The following ZNF572 variants were observed in gnomAD, a reference collection of about 807,000 sequenced individuals.
ZNF572 encodes zinc finger protein 572.
In ZNF572, 2 loss-of-function variants were observed where a neutral mutation model predicts 3.8. That is an observed-to-expected ratio of 0.52 (90% CI 0.21 to 1.65). The LOEUF (loss-of-function observed/expected upper bound fraction) is 1.65, where lower values mean the gene tolerates loss of function less well. Among genes scored for constraint, ZNF572 ranks in the 40% most tolerant of loss-of-function variants. The pLI, the probability that ZNF572 is intolerant of heterozygous loss-of-function variation, is 0.20. For missense variants in ZNF572, 581 were observed against 633.4 expected, an observed-to-expected ratio of 0.92 and a Z score of 0.89; for synonymous variants, 187 against 204.5, an observed-to-expected ratio of 0.91 and a Z score of 0.73.
chr8:124,977,559 C>T lies in ZNF572; in HGVS notation c.1291C>T (p.Gln431Ter), dbSNP rs1010526552. ...TCAGAGTTCCACCCTGGTGATTCAC[C>T]AAAGGACACATACAGGAGAGAAACC... ...FSQSSTLVIH[Q>*]RTHTGEKPYK... is the part of the protein sequence containing the mutation. Residue 431 changes from glutamine (Q) to a stop codon, truncating the protein, a stop_gained, in exon 3 of 3, where the codon CAA (glutamine) becomes TAA (stop). Coordinates refer to ENST00000319286, the MANE Select transcript of ZNF572 (RefSeq NM_152412.3). LOFTEE classifies it low-confidence loss of function (END_TRUNC). The T allele has an allele frequency of 8.1e-6, 13 of 1,614,040 alleles. No individual in the cohort carries two copies. In the African/African-American group the frequency reaches 1.3e-4, roughly 17 times the overall value.
rs1814549743 is a variant in ZNF572 at position 124,978,818 on chromosome 8, C to T, written c.*960C>T. 6.6e-6 allele frequency: 1 copy of T among 152,122 alleles called. No individual in the cohort carries two copies. Among genetic ancestry groups the T allele is most frequent in the South Asian group, 2.1e-4 (1 of 4,820 alleles). The allele number at this position is 152,122 out of a possible 1,614,324, so 9.4% of individuals were successfully genotyped here. A position where few individuals can be genotyped will look rare whatever the true frequency, so the allele number is the denominator to read the frequency against. The stretch of plus-strand genomic sequence containing the variant: ...AAAATTTGCAATGAAGAGCCTTTTC[C>T]CTAAATTATCCCATTATGTAATTCT... On this transcript the variant is annotated 3_prime_UTR_variant, in exon 3 of 3. Transcript: ENST00000319286.
chr8:124,974,616 T>C (rs1342129404), intron 1 of ZNF572, among the ~76,000 whole-genome samples: 2 of 152,266 alleles, frequency 1.3e-5, no homozygotes, highest in Non-Finnish European at 2.9e-5. Flanking sequence ...CTTTATATTC[T>C]GAAATGGATG....
At position 124,977,455 on chromosome 8, in the gene ZNF572, G is replaced by T. The variant is rs1218149596; in HGVS notation, c.1187G>T (p.Ser396Ile). The T allele has an allele frequency of 1.9e-6, 3 of 1,614,068 alleles. No homozygotes were observed. In the Admixed American group the frequency reaches 5.0e-5, roughly 27 times the overall value. The change falls in exon 3 of 3, where the codon AGC becomes ATC. Residue 396 changes from serine (S) to isoleucine (I), a missense_variant. Transcript: ENST00000319286. ...GAATGTGGGAAGAGTTTTGGCCTTA[G>T]CTCCCATCTCATTAGACATCAGAGA... is the stretch of plus-strand genomic sequence containing the variant. ...CCECGKSFGL[S>I]SHLIRHQRTH...
Position 124,977,399 on chromosome 8 carries a change from C to T in ZNF572, c.1131C>T (p.Ile377=), listed in dbSNP as rs1261394332. The change falls in exon 3 of 3, where the codon ATC becomes ATT. Residue 377 remains isoleucine, a synonymous_variant. Transcript: ENST00000319286. The part of the protein sequence containing the change: ...QNCNVIEECR[I]QLGEKPYRCC... ...GCAATGTGATAGAAGAATGCAGAAT[C>T]CAGTTAGGAGAGAAACCATATAGAT... 1.9e-6 allele frequency: 3 copies of T among 1,614,010 alleles called. No individual in the cohort carries two copies. In the Admixed American group the frequency reaches 5.0e-5, roughly 27 times the overall value.
intron 1 of ZNF572, among the ~76,000 whole-genome samples, chr8:124,974,013 T>C (rs1187469674): frequency 1.3e-5 from 2 of 152,156 alleles, no homozygotes; most frequent in Non-Finnish European, 2.9e-5. Flanking sequence ...CCCCCTTCCT[T>C]TTTTTGCATT....
chr8:124,977,404 T>C lies in ZNF572; in HGVS notation c.1136T>C (p.Leu379Ser). Reference protein sequence around the residue: ...CNVIEECRIQLGEKPYRCCEC... With the variant: ...CNVIEECRIQSGEKPYRCCEC... ...GTGATAGAAGAATGCAGAATCCAGT[T>C]AGGAGAGAAACCATATAGATGTTGT... Residue 379 changes from leucine (L) to serine (S), a missense_variant, in exon 3 of 3, where the codon TTA becomes TCA. Physicochemically the swap from Leu to Ser is moderately radical, Grantham distance 145. Transcript: ENST00000319286. The C allele has an allele frequency of 3.7e-6, 6 of 1,614,090 alleles. No individual in the cohort carries two copies. Among genetic ancestry groups the C allele is most frequent in the African/African-American group, 1.3e-5 (1 of 75,032 alleles).
intron 1 of ZNF572, 96 bp from the exon 2 acceptor site, chr8:124,975,510 C>G: frequency 1.4e-6 from 1 of 691,706 alleles, no homozygotes. Flanking sequence ...ATGGAACATT[C>G]TATGCCTCCT....
rs764912008 is a variant in ZNF572, at chr8:124,977,739, G to T, written c.1471G>T (p.Val491Leu). Residue 491 changes from valine (V) to leucine (L), a missense_variant, in exon 3 of 3, where the codon GTA (valine) becomes TTA (leucine). Coordinates refer to ENST00000319286, the MANE Select transcript of ZNF572 (RefSeq NM_152412.3). ...CCTCAGTCAGCATCGGAAAATTCAC[G>T]TAGAAAAGCCTTTTGAGTCTCCCGA... is the stretch of plus-strand genomic sequence containing the variant. ...AYLSQHRKIH[V>L]EKPFESPDVG... The T allele has an allele frequency of 5.8e-5, 93 of 1,614,054 alleles. No individual in the cohort carries two copies. Among genetic ancestry groups the T allele is most frequent in the Non-Finnish European group, 7.6e-5 (90 of 1,180,038 alleles).
At position 124,977,988 on chromosome 8, in the gene ZNF572, CA is replaced by C; in HGVS notation, c.*131del. On this transcript the variant is annotated 3_prime_UTR_variant, in exon 3 of 3. Transcript: ENST00000319286. ...AAACATTTGGAAAAAGTCAACCTCCCAGTTTAAAGGATGGGAAGACCCCAAT... is the reference window on the plus strand; with the variant it reads ...AAACATTTGGAAAAAGTCAACCTCCCGTTTAAAGGATGGGAAGACCCCAAT... The C allele has an allele frequency of 9.6e-7, 1 of 1,044,156 alleles. No individual in the cohort carries two copies. The highest frequency in any genetic ancestry group is 1.3e-6 in the Non-Finnish European group (1 of 746,040). 64.7% of individuals were successfully genotyped at this position (1,044,156 alleles called of 1,614,324 possible). A position where few individuals can be genotyped will look rare whatever the true frequency, so the allele number is the denominator to read the frequency against.
chr8:124,977,153 A>G lies in ZNF572; in HGVS notation c.885A>G (p.Thr295=). ...SSLIRHQRTH[T]GEKPYKCLEC... ...TCATTCGCCACCAGCGGACACACAC[A>G]GGTGAGAAGCCCTACAAATGTCTTG... Residue 295 remains threonine (T), a synonymous_variant, in exon 3 of 3, where the codon ACA becomes ACG. Coordinates refer to ENST00000319286, the MANE Select transcript of ZNF572 (RefSeq NM_152412.3). The G allele has an allele frequency of 6.2e-7, 1 of 1,609,288 alleles. No individual in the cohort carries two copies.
Position 124,978,238 on chromosome 8 carries a change from G to T in ZNF572, c.*380G>T. On this transcript the variant is annotated 3_prime_UTR_variant, in exon 3 of 3. Transcript: ENST00000319286. ...AGAGATACATCATTACTGGCCTCAG[G>T]GGTTTACCCAAAGAAAGGGTATTTT... 1 of 174,378 alleles carries T rather than the reference G, an allele frequency of 5.7e-6. No individual in the cohort carries two copies. The highest frequency in any genetic ancestry group is 1.9e-4 in the South Asian group (1 of 5,188). 10.8% of individuals were successfully genotyped at this position (174,378 alleles called of 1,614,324 possible).
At position 124,975,599 on chromosome 8, in the gene ZNF572, TC is replaced by T; in HGVS notation, c.-35-5del. The T allele has an allele frequency of 2.0e-6, 3 of 1,506,360 alleles. No homozygotes were observed. Among genetic ancestry groups the T allele is most frequent in the Non-Finnish European group, 2.8e-6 (3 of 1,082,558 alleles). The allele number at this position is 1,506,360 out of a possible 1,614,324, so 93.3% of individuals were successfully genotyped here. Reference sequence around the variant, plus strand: ...TACCTCCAAACATAATTTATTTCCTTCCACAGGGTTTCTGATCTCTAACTTG... The same window carrying T: ...TACCTCCAAACATAATTTATTTCCTTCACAGGGTTTCTGATCTCTAACTTG... On this transcript the variant is annotated splice_polypyrimidine_tract_variant and splice_region_variant and intron_variant, in intron 1 of 2. Coordinates refer to ENST00000319286, the MANE Select transcript of ZNF572 (RefSeq NM_152412.3).
rs1353432500 is a variant in ZNF572, at chr8:124,977,476, A to G, written c.1208A>G (p.Gln403Arg). 3 of 1,614,086 alleles carry G rather than the reference A, an allele frequency of 1.9e-6. No individual in the cohort carries two copies. Among genetic ancestry groups the G allele is most frequent in the African/African-American group, 1.3e-5 (1 of 74,932 alleles). Residue 403 changes from glutamine to arginine, a missense_variant, in exon 3 of 3, where the codon CAG (glutamine) becomes CGG (arginine). Transcript: ENST00000319286. ...FGLSSHLIRH[Q>R]RTHTGEKPYR... The stretch of plus-strand genomic sequence containing the variant: ...CTTAGCTCCCATCTCATTAGACATC[A>G]GAGAACACATACAGGAGAAAAACCT...
chr8:124,973,577 C>CG (rs1397031747), intron 1 of ZNF572, among the ~76,000 whole-genome samples, 161 bp downstream of exon 1: 1 of 152,194 alleles, frequency 6.6e-6, no homozygotes, highest in African/African-American at 2.4e-5. Context: ...TCCTTGTCCG[C>CG]GGGGTCCCTT....
intron 2 of ZNF572, 130 bp downstream of exon 2, chr8:124,975,849 T>C: frequency 1.5e-6 from 1 of 651,088 alleles, no homozygotes; most frequent in Non-Finnish European, 2.6e-6. Flanking sequence ...TATTTCAGCC[T>C]CATTGTTCTC....
rs866354717 is a variant in ZNF572 at position 124,977,253 on chromosome 8, C to T, written c.985C>T (p.Gln329Ter). ...AATACATACAGGAGAAAAGCCTTAT[C>T]AATGTCCAGAATGTGGGAAGAATTT... The part of the protein sequence containing the change: ...QRIHTGEKPY[Q>*]CPECGKNFSR... Residue 329 changes from glutamine to a stop codon, truncating the protein, a stop_gained, in exon 3 of 3, where the codon CAA becomes TAA. Transcript: ENST00000319286. LOFTEE classifies it low-confidence loss of function (END_TRUNC). 1.2e-6 allele frequency: 2 copies of T among 1,613,498 alleles called. No individual in the cohort carries two copies. Among genetic ancestry groups the T allele is most frequent in the South Asian group, 2.2e-5 (2 of 91,052 alleles).
chr8:124,975,106 A>G (rs1312273396), intron 1 of ZNF572, among the ~76,000 whole-genome samples: 1 of 152,068 alleles, frequency 6.6e-6, no homozygotes, highest in African/African-American at 2.4e-5. Flanking sequence ...ATTTCTCTTT[A>G]CTGGTTATAT....
chr8:124,973,988 A>C (rs142465716), intron 1 of ZNF572, among the ~76,000 whole-genome samples: 23 of 152,246 alleles, frequency 1.5e-4, no homozygotes, highest in African/African-American at 4.6e-4. Flanking sequence ...ATATAACTCC[A>C]TTCGAACAAC....
At position 124,977,831 on chromosome 8, in the gene ZNF572, A is replaced by G. The variant is rs766754276; in HGVS notation, c.1563A>G (p.Ser521=). 1 of 1,590,196 alleles carries G rather than the reference A, an allele frequency of 6.3e-7. No homozygotes were observed. The highest frequency in any genetic ancestry group is 8.6e-7 in the Non-Finnish European group (1 of 1,166,846). Residue 521 remains serine (S), a synonymous_variant, in exon 3 of 3, where the codon TCA becomes TCG. Transcript: ENST00000319286. ...NCSGEMPFIS[S]FSVSNSSS ...CAGGGGAAATGCCCTTCATCTCTTC[A>G]TTTTCCGTCTCAAATTCATCTTCCT...
Sources: gnomAD v4.1 joint callset for allele counts (sites outside exome capture counted in the v4.1 genomes callset) on GRCh38, gnomAD v4.1.1 for gene constraint, MANE v1.5 for transcripts, NCBI Gene and HGNC (gene_info 2026-07-23, HGNC 2026-07-21) for gene names.